The following SGCD variants were observed in gnomAD, a reference collection of about 807,000 sequenced individuals.
SGCD encodes delta-sarcoglycan.
In SGCD, 18 loss-of-function variants were observed where a neutral mutation model predicts 36.6. The observed-to-expected ratio is 0.49, with a 90% CI of 0.34 to 0.73. SGCD has a LOEUF of 0.73. Ranked by LOEUF, SGCD falls within the 30% of genes least tolerant of loss-of-function variation. The pLI is 0.01. For synonymous variants in SGCD, 133 were observed against 130.6 expected (o/e 1.02, Z -0.12); for missense variants, 387 against 346.7 (o/e 1.12, Z -0.92).
At chr5:156,372,521 T>A (rs1770439430) in intron 3 of SGCD, among the ~76,000 whole-genome samples, 1 of 152,224 alleles carries the variant, frequency 6.6e-6, no homozygotes, top group Non-Finnish European at 1.5e-5. Flanking sequence ...ATCCTCCCTT[T>A]GGGCTGCTTT....
At chr5:156,488,116 T>TTTG (rs1561729055) in intron 3 of SGCD, among the ~76,000 whole-genome samples, 27 of 145,466 alleles carry the variant, frequency 1.9e-4, no homozygotes, top group African/African-American at 6.5e-4. Flanking sequence ...TTTTTTTTTT[T>TTTG]TTTTTTTTAA....
chr5:156,480,468 C>T (rs1755374983), intron 3 of SGCD, among the ~76,000 whole-genome samples: 1 of 152,190 alleles, frequency 6.6e-6, no homozygotes, highest in Non-Finnish European at 1.5e-5. Context: ...CTGGGCTTCA[C>T]TCTAATTAAA....
intron 3 of SGCD, among the ~76,000 whole-genome samples, chr5:156,136,569 G>GAA (rs1762463624): frequency 2.0e-5 from 3 of 152,176 alleles, no homozygotes; most frequent in Non-Finnish European, 4.4e-5. Flanking sequence ...GTGATATAGA[G>GAA]GGAATTGTGA....
chr5:156,227,550 G>C (rs145986837), intron 3 of SGCD, among the ~76,000 whole-genome samples: 92 of 151,946 alleles, frequency 6.1e-4, no homozygotes, highest in African/African-American at 2.1e-3. Context: ...CTCTAGATTT[G>C]TTCTTTATGC....
intron 1 of SGCD, among the ~76,000 whole-genome samples, chr5:156,031,063 C>G (rs1039338441): frequency 2.0e-5 from 3 of 152,104 alleles, no homozygotes; most frequent in African/African-American, 7.2e-5. Context: ...GGGGGATATG[C>G]AGTGACAGAA....
intron 1 of SGCD, among the ~76,000 whole-genome samples, chr5:155,877,147 G>T (rs1755783853): frequency 6.6e-6 from 1 of 152,112 alleles, no homozygotes; most frequent in Non-Finnish European, 1.5e-5. Flanking sequence ...AATGCTACAA[G>T]AAGAGGGTGG....
At position 156,462,545 on chromosome 5, in the gene SGCD, T is replaced by A. The variant is rs186319688; in HGVS notation, c.193-46056T>A. ...TGATCTCTTTAATTCTAACAAAGTATCCATTTCACTGTGCTTATAAATCAG... is the reference window on the plus strand; with the variant it reads ...TGATCTCTTTAATTCTAACAAAGTAACCATTTCACTGTGCTTATAAATCAG... On this transcript the variant is annotated intron_variant, in intron 3 of 8. Transcript: ENST00000337851. 5.9e-5 allele frequency among the ~76,000 whole-genome samples: 9 copies of A among 152,342 alleles called. No homozygotes were observed. The East Asian group carries it at 1.5e-3, about 26-fold the overall frequency.
chr5:156,005,254 T>A (rs1758733480), intron 1 of SGCD, among the ~76,000 whole-genome samples: 1 of 152,124 alleles, frequency 6.6e-6, no homozygotes, highest in Admixed American at 6.5e-5. Context: ...CTTCCCTTCA[T>A]CCCAGTCCTA....
chr5:156,617,833 C>A (rs1046002338), intron 6 of SGCD, among the ~76,000 whole-genome samples: 2 of 151,672 alleles, frequency 1.3e-5, no homozygotes, highest in Non-Finnish European at 2.9e-5. Flanking sequence ...AAGTCCAGGG[C>A]CCTATCCCAT....
chr5:156,739,554 A>C (rs926144502), intron 7 of SGCD: 5 of 152,180 alleles, frequency 3.3e-5, no homozygotes, highest in Admixed American at 1.3e-4. Flanking sequence ...AGATCACTCT[A>C]GTCTACTTGC....
intron 7 of SGCD, among the ~76,000 whole-genome samples, chr5:156,657,820 G>A (rs1359462297): frequency 3.6e-5 from 5 of 137,778 alleles, no homozygotes; most frequent in Non-Finnish European, 7.8e-5. Flanking sequence ...AAGGGGACCC[G>A]GGGAACCAGC....
chr5:156,498,359 T>A (rs572039709), intron 3 of SGCD, among the ~76,000 whole-genome samples: 62 of 152,250 alleles, frequency 4.1e-4, no homozygotes, highest in Non-Finnish European at 7.9e-4. Context: ...GTAAATTTGC[T>A]TTTATGCAGC....
In SGCD at chr5:156,033,679, T is replaced by C. The variant is rs751044607; in HGVS notation, c.-281-84199T>C. ...GGAGGTAAAGTAGCTTTCTCACATT[T>C]GCAAATTAGAAACTAAGACTATTGT... is the stretch of plus-strand genomic sequence containing the variant. On this transcript the variant is annotated intron_variant, in intron 1 of 9. Transcript: ENST00000517913. 6.4e-4 allele frequency among the ~76,000 whole-genome samples: 98 copies of C among 152,310 alleles called. 3 individuals carry two copies. The highest frequency in any genetic ancestry group is 7.4e-4 in the Non-Finnish European group (50 of 68,026).
chr5:156,550,228 CTTATA>C (rs1300884570), intron 4 of SGCD, among the ~76,000 whole-genome samples: 2 of 152,254 alleles, frequency 1.3e-5, no homozygotes, highest in East Asian at 3.9e-4. Context: ...AGTTGTATTT[CTTATA>C]TGAGTAAATG....
At chr5:155,778,497 G>A in the SGCD span, among the ~76,000 whole-genome samples, 260 of 152,188 alleles carry the variant, frequency 1.7e-3, 1 homozygote, top group East Asian at 9.1e-3. Context: ...TGCTAAAAGG[G>A]CTACCAGTTG....
At chr5:156,193,705 T>C (rs1330627865) in intron 3 of SGCD, among the ~76,000 whole-genome samples, 1 of 152,008 alleles carries the variant, frequency 6.6e-6, no homozygotes, top group Non-Finnish European at 1.5e-5. Context: ...AGCCACCCAC[T>C]CAGAGAGATG....
chr5:156,475,753 G>T (rs749000265), intron 3 of SGCD, among the ~76,000 whole-genome samples: 1 of 152,106 alleles, frequency 6.6e-6, no homozygotes, highest in African/African-American at 2.4e-5. Flanking sequence ...ATGGTTTCAG[G>T]CCCCCCAACT....
intron 3 of SGCD, among the ~76,000 whole-genome samples, chr5:156,154,007 G>A (rs1296963075): frequency 1.3e-5 from 2 of 151,496 alleles, no homozygotes; most frequent in Admixed American, 1.3e-4. Context: ...GTTGCCTAAA[G>A]CAGGGCAGGG....
chr5:155,859,223 T>TTTA, the SGCD span, among the ~76,000 whole-genome samples: 5 of 151,638 alleles, frequency 3.3e-5, no homozygotes, highest in Admixed American at 1.3e-4. Context: ...CTGGCTAATT[T>TTTA]TTATTATTAT....
Sources: allele counts gnomAD v4.1 joint callset (sites outside exome capture counted in the v4.1 genomes callset), GRCh38; gene constraint gnomAD v4.1.1; transcripts MANE v1.5; gene names NCBI Gene and HGNC (gene_info 2026-07-23, HGNC 2026-07-21).